RGS6: variants seen among roughly 807,000 people sequenced by gnomAD.
RGS6 encodes the protein regulator of G-protein signaling 6.
RGS6 carries 30 observed loss-of-function variants against 78.5 expected under a neutral mutation model. The ratio of observed to expected loss-of-function variants is 0.38; its 90% confidence interval spans 0.29 to 0.52. The LOEUF is 0.52. RGS6 is among the 20% of genes least tolerant of loss of function. The probability of loss-of-function intolerance (pLI) is 0.85; values close to 1 mark genes in which losing one functional copy is unlikely to be tolerated. For missense variants in RGS6, 495 were observed against 609.7 expected (o/e 0.81, Z 1.98); for synonymous variants, 206 against 206.0 (o/e 1.00, Z 0.00).
At chr14:71,904,651 C>G in the RGS6 span, among the ~76,000 whole-genome samples, 1 of 152,188 alleles carries the variant, frequency 6.6e-6, no homozygotes, top group Non-Finnish European at 1.5e-5. Flanking sequence ...ATAATTTTTG[C>G]ATAAGTCAGA....
chr14:71,914,967 A>G, the RGS6 span, among the ~76,000 whole-genome samples: 4 of 151,720 alleles, frequency 2.6e-5, no homozygotes, highest in Non-Finnish European at 5.9e-5. Flanking sequence ...TCAAGATTCA[A>G]CTCGGGGTGG....
chr14:72,570,613 G>T (rs2097719174), downstream of RGS6, among the ~76,000 whole-genome samples: 1 of 152,222 alleles, frequency 6.6e-6, no homozygotes. Context: ...GTTCTCCCAT[G>T]CCTTCTCCAA....
At chr14:72,233,979 C>T (rs977933287) in intron 2 of RGS6, among the ~76,000 whole-genome samples, 3 of 152,002 alleles carry the variant, frequency 2.0e-5, no homozygotes, top group East Asian at 1.9e-4. Context: ...TTGGGGGTAG[C>T]GGCTGTGCTT....
At chr14:72,127,103 A>AT (rs1048653585) in intron 2 of RGS6, among the ~76,000 whole-genome samples, 2 of 152,166 alleles carry the variant, frequency 1.3e-5, no homozygotes, top group African/African-American at 4.8e-5. Flanking sequence ...GTACCATTGC[A>AT]TTTTCCTGTT....
chr14:72,399,208 G>C (rs1049665103), intron 3 of RGS6, among the ~76,000 whole-genome samples: 4 of 150,004 alleles, frequency 2.7e-5, no homozygotes, highest in African/African-American at 5.0e-5. Flanking sequence ...TATGAATCTG[G>C]GTGCTCCTGT....
intron 2 of RGS6, among the ~76,000 whole-genome samples, chr14:72,234,580 C>T (rs1379478187): frequency 6.6e-6 from 1 of 152,112 alleles, no homozygotes; most frequent in Admixed American, 6.5e-5. Flanking sequence ...GACAGGGTTA[C>T]AGAGCTGTGA....
At chr14:72,163,284 A>G (rs1567351085) in intron 2 of RGS6, among the ~76,000 whole-genome samples, 1 of 152,228 alleles carries the variant, frequency 6.6e-6, no homozygotes, top group East Asian at 1.9e-4. Context: ...GGAAATTAAA[A>G]CTCTAATTGT....
At chr14:71,966,639 A>C (rs971690992) in intron 2 of RGS6, among the ~76,000 whole-genome samples, 3 of 152,178 alleles carry the variant, frequency 2.0e-5, no homozygotes, top group Non-Finnish European at 4.4e-5. Flanking sequence ...TTCATCTGTA[A>C]AAAGAAAAAA....
chr14:72,049,534 C>CAGTA (rs1341051102), intron 2 of RGS6, among the ~76,000 whole-genome samples: 2 of 152,304 alleles, frequency 1.3e-5, no homozygotes, highest in Admixed American at 1.3e-4. Context: ...GAGATCCCAT[C>CAGTA]AGTAGACAGA....
At chr14:71,936,493 G>T (rs145969012) in intron 1 of RGS6, among the ~76,000 whole-genome samples, 1 of 151,990 alleles carries the variant, frequency 6.6e-6, no homozygotes, top group Non-Finnish European at 1.5e-5. Context: ...TGCAATCAAG[G>T]TGACACTCAG....
intron 12 of RGS6, among the ~76,000 whole-genome samples, chr14:72,486,639 T>G (rs2096492497): frequency 6.6e-6 from 1 of 152,190 alleles, no homozygotes; most frequent in Non-Finnish European, 1.5e-5. Flanking sequence ...TTGGATCTCC[T>G]TTCATGCCTA....
At chr14:72,504,554 G>T (rs1332569057) in intron 13 of RGS6, among the ~76,000 whole-genome samples, 1 of 152,206 alleles carries the variant, frequency 6.6e-6, no homozygotes, top group Non-Finnish European at 1.5e-5. Context: ...CATCAGAATG[G>T]CCTTTACCAT....
chr14:71,982,746 TTTC>T (rs566337159), intron 2 of RGS6, among the ~76,000 whole-genome samples: 149 of 152,328 alleles, frequency 9.8e-4, no homozygotes, highest in African/African-American at 3.3e-3. Flanking sequence ...TCTTCTTAGT[TTTC>T]TTCTTTCAGG....
the RGS6 span, among the ~76,000 whole-genome samples, chr14:71,905,456 C>T: frequency 6.6e-6 from 1 of 152,100 alleles, no homozygotes; most frequent in South Asian, 2.1e-4. Flanking sequence ...CAGAACATTG[C>T]AAGATATTTA....
chr14:72,388,791 T>A (rs1358319221), intron 3 of RGS6, among the ~76,000 whole-genome samples: 1 of 152,222 alleles, frequency 6.6e-6, no homozygotes, highest in Non-Finnish European at 1.5e-5. Context: ...CACTTTACTT[T>A]ACTTCTTTGT....
intron 15 of RGS6, among the ~76,000 whole-genome samples, chr14:72,535,435 T>C (rs976995528): frequency 1.3e-5 from 2 of 152,220 alleles, no homozygotes; most frequent in Admixed American, 1.3e-4. Flanking sequence ...GATGCAGTTA[T>C]AAGAAATACT....
chr14:71,935,434 A>G (rs2088940164), intron 1 of RGS6, among the ~76,000 whole-genome samples: 1 of 152,248 alleles, frequency 6.6e-6, no homozygotes, highest in Non-Finnish European at 1.5e-5. Flanking sequence ...AATATAAAAT[A>G]TAGCTTGGAA....
intron 2 of RGS6, among the ~76,000 whole-genome samples, chr14:72,044,136 T>C (rs2092654769): frequency 6.6e-6 from 1 of 152,240 alleles, no homozygotes; most frequent in Non-Finnish European, 1.5e-5. Context: ...GTCTGATTTC[T>C]AGCAATTCCT....
chr14:71,878,130 G>A, the RGS6 span, among the ~76,000 whole-genome samples: 1 of 152,280 alleles, frequency 6.6e-6, no homozygotes, highest in East Asian at 1.9e-4. Flanking sequence ...CAGGAGCCAG[G>A]GACCCACTTG....
Sources: allele counts gnomAD v4.1 joint callset (sites outside exome capture counted in the v4.1 genomes callset), GRCh38; gene constraint gnomAD v4.1.1; transcripts MANE v1.5; gene names NCBI Gene and HGNC (gene_info 2026-07-23, HGNC 2026-07-21).